The following LRRTM4 variants were observed in gnomAD, a reference collection of about 807,000 sequenced individuals.
LRRTM4 encodes leucine-rich repeat transmembrane neuronal protein 4.
LRRTM4 carries 25 observed loss-of-function variants against 47.6 expected under a neutral mutation model. The observed-to-expected ratio is 0.53, with a 90% CI of 0.38 to 0.73. The LOEUF (loss-of-function observed/expected upper bound fraction) is 0.73. Among genes scored for constraint, LRRTM4 ranks in the 30% least tolerant of loss-of-function variants. The pLI is 0.00. For missense variants in LRRTM4, 638 were observed against 713.4 expected, an observed-to-expected ratio of 0.89 and a Z score of 1.20; for synonymous variants, 311 against 269.5, an observed-to-expected ratio of 1.15 and a Z score of -1.51.
In LRRTM4 at chr2:76,781,423, C is replaced by T. The variant is rs535418859; in HGVS notation, c.1552-32507G>A. Among the ~76,000 whole-genome samples, 98 of 152,364 alleles carry T rather than the reference C, an allele frequency of 6.4e-4. No individual in the cohort carries two copies. The South Asian group carries it at 0.02, about 31-fold the overall frequency. ...CAGCGAGACTCCGTGGGCGTAGGACCCTCCGAGCCAGGTGTGGCATATAAT... is the reference window on the plus strand; with the variant it reads ...CAGCGAGACTCCGTGGGCGTAGGACTCTCCGAGCCAGGTGTGGCATATAAT... On this transcript the variant is annotated intron_variant, in intron 3 of 3. Transcript: ENST00000409884.
intron 3 of LRRTM4, among the ~76,000 whole-genome samples, chr2:76,805,004 G>A (rs953793866): frequency 1.5e-4 from 23 of 152,136 alleles, no homozygotes; most frequent in Admixed American, 3.9e-4. Context: ...GTCATAAAGC[G>A]GGAGATTGAC....
chr2:77,023,045 T>C (rs1186872671), intron 3 of LRRTM4, among the ~76,000 whole-genome samples: 1 of 152,246 alleles, frequency 6.6e-6, no homozygotes, highest in Non-Finnish European at 1.5e-5. Context: ...GGCATTTCCA[T>C]ACATCTTCTG....
Position 77,267,184 on chromosome 2 carries a change from C to A in LRRTM4, c.1551+251134G>T, listed in dbSNP as rs907818509. ...GCAATTGAAATCAAGAGAATAGAAT[C>A]GAATATTTAAAGGATTAATCCAGAA... On this transcript the variant is annotated intron_variant, in intron 3 of 3. Coordinates refer to ENST00000409884, the MANE Select transcript of LRRTM4 (RefSeq NM_001134745.3). Among the ~76,000 whole-genome samples the A allele has an allele frequency of 3.9e-5, 6 of 152,018 alleles. No homozygotes were observed. In the South Asian group the frequency reaches 6.2e-4, roughly 16 times the overall value.
Position 76,779,461 on chromosome 2 carries a change from T to C in LRRTM4, c.1552-30545A>G, listed in dbSNP as rs529183620. Among the ~76,000 whole-genome samples, 189 of 148,176 alleles carry C rather than the reference T, an allele frequency of 1.3e-3. 1 individual carries two copies. Among genetic ancestry groups the C allele is most frequent in the African/African-American group, 4.6e-3 (182 of 39,826 alleles). ...TGGGTGCTCCTGTATTGGGTGCATA[T>C]ATATTTAGGATAGTTAGCTCTTCTT... On this transcript the variant is annotated intron_variant, in intron 3 of 3. Transcript: ENST00000409884.
At chr2:76,792,562 T>C (rs1023074514) in intron 3 of LRRTM4, among the ~76,000 whole-genome samples, 1 of 151,406 alleles carries the variant, frequency 6.6e-6, no homozygotes, top group African/African-American at 2.5e-5. Context: ...AGGTAAGTTA[T>C]ATTAATTCTT....
chr2:76,777,412 G>C (rs1262990388), intron 3 of LRRTM4, among the ~76,000 whole-genome samples: 10 of 145,480 alleles, frequency 6.9e-5, no homozygotes, highest in East Asian at 2.2e-4. Context: ...TCTTCCATTT[G>C]TTTGTATCCT....
rs1672289077 is a variant in LRRTM4 at position 77,362,716 on chromosome 2, C to T, written c.1551+155602G>A. Among the ~76,000 whole-genome samples the T allele has an allele frequency of 2.0e-5, 3 of 152,094 alleles. No individual in the cohort carries two copies. The South Asian group carries it at 6.2e-4, about 31-fold the overall frequency. On this transcript the variant is annotated intron_variant, in intron 3 of 3. Coordinates refer to ENST00000409884, the MANE Select transcript of LRRTM4 (RefSeq NM_001134745.3). ...AACTGGCTCTGTCCTTTCATCAGGG[C>T]CATAAGACTGTGGCTACTCCTTCCT...
intron 3 of LRRTM4, among the ~76,000 whole-genome samples, chr2:77,433,132 T>G (rs1675451619): frequency 6.6e-6 from 1 of 152,208 alleles, no homozygotes; most frequent in Non-Finnish European, 1.5e-5. Context: ...ATAGTACATG[T>G]GGATCTGGAA....
intron 3 of LRRTM4, among the ~76,000 whole-genome samples, chr2:76,791,470 C>T (rs1283390225): frequency 3.3e-5 from 5 of 152,082 alleles, no homozygotes; most frequent in African/African-American, 1.2e-4. Flanking sequence ...AAGAACTTCA[C>T]TTAGATACTG....
At chr2:77,210,669 A>C (rs1227608616) in intron 3 of LRRTM4, among the ~76,000 whole-genome samples, 1 of 151,908 alleles carries the variant, frequency 6.6e-6, no homozygotes, top group Non-Finnish European at 1.5e-5. Context: ...TTTGACTCCT[A>C]ATTTTGTGTG....
At chr2:77,019,253 C>CAAAAAAAAAA (rs56028060) in intron 3 of LRRTM4, among the ~76,000 whole-genome samples, 3 of 80,530 alleles carry the variant, frequency 3.7e-5, no homozygotes, top group East Asian at 3.5e-4. Context: ...CACTGCTCTA[C>CAAAAAAAAAA]AAAAAAAAAA....
intron 3 of LRRTM4, among the ~76,000 whole-genome samples, chr2:77,208,974 A>G (rs1379881531): frequency 4.6e-5 from 7 of 152,168 alleles, no homozygotes; most frequent in Non-Finnish European, 4.4e-5. Context: ...CTCACTTACA[A>G]TTAATTTTAC....
chr2:77,294,792 T>G (rs1676926358), intron 3 of LRRTM4, among the ~76,000 whole-genome samples: 1 of 152,158 alleles, frequency 6.6e-6, no homozygotes, highest in African/African-American at 2.4e-5. Flanking sequence ...TTGCAGCAAC[T>G]ATGGCAACAG....
At chr2:77,272,989 C>A (rs571275745) in intron 3 of LRRTM4, among the ~76,000 whole-genome samples, 18 of 152,166 alleles carry the variant, frequency 1.2e-4, no homozygotes, top group African/African-American at 4.1e-4. Flanking sequence ...TTTTAGAGTA[C>A]AAAGAAATTT....
intron 3 of LRRTM4, among the ~76,000 whole-genome samples, chr2:76,974,919 A>G (rs892167009): frequency 6.6e-6 from 1 of 151,672 alleles, no homozygotes; most frequent in Non-Finnish European, 1.5e-5. Flanking sequence ...TTTAATAATA[A>G]TATCTTTTTT....
chr2:77,472,282 C>T (rs1368242435), intron 3 of LRRTM4, among the ~76,000 whole-genome samples: 8 of 152,070 alleles, frequency 5.3e-5, no homozygotes, highest in African/African-American at 1.4e-4. Flanking sequence ...ATAGTGCCAA[C>T]AGGCTGTAAG....
intron 3 of LRRTM4, among the ~76,000 whole-genome samples, chr2:77,422,375 A>G (rs1006151858): frequency 6.6e-6 from 1 of 152,220 alleles, no homozygotes; most frequent in Non-Finnish European, 1.5e-5. Context: ...CTTTGTCAAT[A>G]AACTGCATCC....
At chr2:77,199,202 C>T (rs1057259221) in intron 3 of LRRTM4, among the ~76,000 whole-genome samples, 2 of 152,012 alleles carry the variant, frequency 1.3e-5, no homozygotes, top group African/African-American at 4.8e-5. Context: ...ATCTTAATAA[C>T]AGTATTTAAA....
chr2:77,300,849 T>C (rs1677117344), intron 3 of LRRTM4, among the ~76,000 whole-genome samples: 1 of 152,262 alleles, frequency 6.6e-6, no homozygotes, highest in Admixed American at 6.5e-5. Context: ...TGTTTCTTCA[T>C]AGTTAAAAAT....
Sources: allele counts gnomAD v4.1 joint callset (sites outside exome capture counted in the v4.1 genomes callset), GRCh38; gene constraint gnomAD v4.1.1; transcripts MANE v1.5; gene names NCBI Gene and HGNC (gene_info 2026-07-23, HGNC 2026-07-21).